The following CFAP70 variants were observed in gnomAD, a reference collection of about 807,000 sequenced individuals.
CFAP70 encodes the protein cilia and flagella associated protein 70, also known as cilia- and flagella-associated protein 70.
CFAP70 carries 81 observed loss-of-function variants against 137.6 expected under a neutral mutation model. That is an observed-to-expected ratio of 0.59 (90% CI 0.49 to 0.71). The LOEUF is 0.71. Among genes scored for constraint, CFAP70 ranks in the 30% least tolerant of loss-of-function variants. The pLI is 0.00. For missense variants in CFAP70, 976 were observed against 1,226.7 expected, an observed-to-expected ratio of 0.80 and a Z score of 3.05; for synonymous variants, 382 against 423.6, an observed-to-expected ratio of 0.90 and a Z score of 1.20.
At chr10:73,344,978 G>T in intron 5 of CFAP70, 87 bp downstream of exon 6, 2 of 1,084,452 alleles carry the variant, frequency 1.8e-6, no homozygotes, top group Non-Finnish European at 2.7e-6. Context: ...GCAATGCTTT[G>T]AATGAAATCT....
At chr10:73,341,267 T>A in intron 6 of CFAP70, 132 bp downstream of exon 7, 1 of 730,488 alleles carries the variant, frequency 1.4e-6, no homozygotes, top group Non-Finnish European at 2.2e-6. Context: ...CAGAATTAGA[T>A]ATGTGTTTTA....
chr10:73,323,896 C>T (rs1254689195), intron 8 of CFAP70, among the ~76,000 whole-genome samples: 3 of 152,254 alleles, frequency 2.0e-5, no homozygotes, highest in African/African-American at 7.2e-5. Context: ...CCTCTGGGGG[C>T]AGGGGGCAGG....
At chr10:73,358,448 C>A (rs983931821) in intron 1 of CFAP70, among the ~76,000 whole-genome samples, 1 of 152,190 alleles carries the variant, frequency 6.6e-6, no homozygotes, top group Non-Finnish European at 1.5e-5. Flanking sequence ...TGGGGACAAG[C>A]GCAGTCAGCG....
Position 73,331,291 on chromosome 10 carries a change from T to A in CFAP70, c.678-15A>T. 1 of 1,605,770 alleles carries A rather than the reference T, an allele frequency of 6.2e-7. No individual in the cohort carries two copies. Among genetic ancestry groups the A allele is most frequent in the Non-Finnish European group, 8.5e-7 (1 of 1,173,726 alleles). On this transcript the variant is annotated splice_polypyrimidine_tract_variant and intron_variant, in intron 7 of 26. Transcript: ENST00000310715. ...GCTTCTGAAAACTGCAAATCAAGAA[T>A]CAGTCCATTAGCATTATATGCAAAA...
intron 12 of CFAP70, among the ~76,000 whole-genome samples, chr10:73,302,200 C>T (rs572790541): frequency 6.6e-6 from 1 of 151,876 alleles, no homozygotes; most frequent in South Asian, 2.1e-4. Flanking sequence ...TAGATAGAAA[C>T]CAAGGAAATA....
intron 25 of CFAP70, among the ~76,000 whole-genome samples, chr10:73,262,917 A>C (rs1180878593): frequency 6.6e-6 from 1 of 152,226 alleles, no homozygotes; most frequent in Non-Finnish European, 1.5e-5. Flanking sequence ...CAAGTAAATT[A>C]GAGATATGAT....
Position 73,254,065 on chromosome 10 carries a change from A to T in CFAP70, c.3076-10T>A. ...CATCTTTCAATTTCAGCTACATGAA[A>T]GAGGAAGAAAGGGAAAGATATATGT... On this transcript the variant is annotated splice_polypyrimidine_tract_variant and intron_variant, in intron 26 of 26. Transcript: ENST00000310715. 1 of 1,586,878 alleles carries T rather than the reference A, an allele frequency of 6.3e-7. No individual in the cohort carries two copies. The highest frequency in any genetic ancestry group is 8.6e-7 in the Non-Finnish European group (1 of 1,159,378).
intron 25 of CFAP70, among the ~76,000 whole-genome samples, chr10:73,259,315 G>A (rs1018140859): frequency 6.6e-6 from 1 of 152,158 alleles, no homozygotes; most frequent in Admixed American, 6.5e-5. Flanking sequence ...CAATCTGATG[G>A]TTGTGAATTT....
chr10:73,351,829 G>C (rs2054299557), intron 3 of CFAP70, among the ~76,000 whole-genome samples: 1 of 152,200 alleles, frequency 6.6e-6, no homozygotes, highest in African/African-American at 2.4e-5. Flanking sequence ...TGAATCTCTG[G>C]ATCTTACTTA....
At chr10:73,283,896 TATAG>T in intron 19 of CFAP70, among the ~76,000 whole-genome samples, 1 of 152,212 alleles carries the variant, frequency 6.6e-6, no homozygotes, top group Non-Finnish European at 1.5e-5. Context: ...GTACACAACA[TATAG>T]TTGAGGTTTT....
intron 25 of CFAP70, among the ~76,000 whole-genome samples, chr10:73,258,463 G>A (rs567203652): frequency 6.6e-6 from 1 of 152,244 alleles, no homozygotes; most frequent in African/African-American, 2.4e-5. Context: ...GAGGATGTAT[G>A]TTGCCTCAGG....
chr10:73,296,896 T>G lies in CFAP70; in HGVS notation c.1644+146A>C. 3.4e-6 allele frequency: 3 copies of G among 895,380 alleles called. No homozygotes were observed. The South Asian group carries it at 7.1e-5, about 21-fold the overall frequency. The allele number at this position is 895,380 out of a possible 1,614,324, so 55.5% of individuals were successfully genotyped here. A position where few individuals can be genotyped will look rare whatever the true frequency, so the allele number is the denominator to read the frequency against. ...CTTAAACTGATTAGGCTTAGGCAGT[T>G]TCTTACTCATCTTTGTGTTTTCAGT... On this transcript the variant is annotated intron_variant, in intron 15 of 26. Coordinates refer to ENST00000310715, the Ensembl canonical transcript of CFAP70.
At chr10:73,341,344 TATC>T in intron 6 of CFAP70, 52 bp downstream of exon 7, 2 of 1,459,618 alleles carry the variant, frequency 1.4e-6, no homozygotes, top group Non-Finnish European at 1.9e-6. Context: ...CAAAATGTTT[TATC>T]ATCTGTCAGT....
At chr10:73,263,262 AT>A (rs529729535) in intron 25 of CFAP70, among the ~76,000 whole-genome samples, 234 of 152,080 alleles carry the variant, frequency 1.5e-3, no homozygotes, top group Non-Finnish European at 2.8e-3. Context: ...TGCCCAGCTA[AT>A]TTTTTTAATG....
intron 9 of CFAP70, among the ~76,000 whole-genome samples, chr10:73,321,956 G>A (rs1297496621): frequency 6.6e-6 from 1 of 152,010 alleles, no homozygotes; most frequent in African/African-American, 2.4e-5. Context: ...GCAAATTTTT[G>A]TATTTTTAGT....
At chr10:73,260,592 A>ATTCT (rs1564742396) in intron 25 of CFAP70, among the ~76,000 whole-genome samples, 4 of 152,216 alleles carry the variant, frequency 2.6e-5, no homozygotes, top group African/African-American at 9.6e-5. Flanking sequence ...CAGTGTTAGA[A>ATTCT]GACTCCTGTT....
chr10:73,312,091 A>G (rs1325370997), intron 10 of CFAP70, among the ~76,000 whole-genome samples, 177 bp from the exon 12 acceptor site: 2 of 152,208 alleles, frequency 1.3e-5, no homozygotes, highest in East Asian at 3.8e-4. Context: ...AGCAACTAAC[A>G]CAGGAACAGA....
In CFAP70 at chr10:73,331,907, TA is replaced by T. The variant is rs538623363; in HGVS notation, c.678-632del. 1.3e-4 allele frequency among the ~76,000 whole-genome samples: 20 copies of T among 152,334 alleles called. 1 individual carries two copies. In the East Asian group the frequency reaches 3.9e-3, roughly 29 times the overall value. On this transcript the variant is annotated intron_variant, in intron 7 of 26. Coordinates refer to ENST00000310715, the Ensembl canonical transcript of CFAP70. The stretch of plus-strand genomic sequence containing the variant: ...TAATCAGACAAGTTTACAAATGGTA[TA>T]AAATTGGTTATTTCTATTGTGAAAA...
At chr10:73,315,989 G>A (rs1051485578) in intron 9 of CFAP70, among the ~76,000 whole-genome samples, 1 of 152,110 alleles carries the variant, frequency 6.6e-6, no homozygotes, top group Non-Finnish European at 1.5e-5. Flanking sequence ...ATTATGAGGT[G>A]ATTGTGTTGT....
Sources: allele counts gnomAD v4.1 joint callset (sites outside exome capture counted in the v4.1 genomes callset), GRCh38; gene constraint gnomAD v4.1.1; transcripts MANE v1.5; gene names NCBI Gene and HGNC (gene_info 2026-07-23, HGNC 2026-07-21).